KAZN: variants seen among roughly 807,000 people sequenced by gnomAD.
The protein encoded by KAZN is kazrin, periplakin interacting protein, also known as kazrin.
Under a neutral mutation model 87.4 loss-of-function variants are expected in KAZN, and 40 were observed. The ratio of observed to expected loss-of-function variants is 0.46; its 90% CI spans 0.36 to 0.60. KAZN has a LOEUF of 0.60. KAZN is among the 20% of genes least tolerant of loss of function. The pLI, the probability that KAZN is intolerant of heterozygous loss-of-function variation, is 0.00. For synonymous variants in KAZN, 466 were observed against 458.3 expected (o/e 1.02, Z -0.22); for missense variants, 898 against 1,073.9 (o/e 0.84, Z 2.29).
At chr1:15,064,165 G>T (rs1639038724) in intron 7 of KAZN, among the ~76,000 whole-genome samples, 1 of 152,252 alleles carries the variant, frequency 6.6e-6, no homozygotes, top group African/African-American at 2.4e-5. Context: ...TGTCATCAGA[G>T]TGAGGAGGGG....
intron 2 of KAZN, among the ~76,000 whole-genome samples, chr1:14,225,761 G>T (rs1018486558): frequency 6.6e-6 from 1 of 152,114 alleles, no homozygotes; most frequent in African/African-American, 2.4e-5. Flanking sequence ...AATGGGGAAA[G>T]GAATGCCTAT....
intron 2 of KAZN, among the ~76,000 whole-genome samples, chr1:14,972,948 A>G (rs951797969): frequency 6.6e-6 from 1 of 151,912 alleles, no homozygotes; most frequent in Non-Finnish European, 1.5e-5. Context: ...AGATTTAGCA[A>G]AACGTATCGA....
intron 2 of KAZN, among the ~76,000 whole-genome samples, chr1:14,319,861 C>T (rs1655929397): frequency 6.6e-6 from 1 of 152,182 alleles, no homozygotes; most frequent in Non-Finnish European, 1.5e-5. Flanking sequence ...AGCAGAAGGT[C>T]TTTATAGAAC....
intron 1 of KAZN, among the ~76,000 whole-genome samples, chr1:14,946,766 C>T (rs569011796): frequency 9.2e-5 from 14 of 152,228 alleles, no homozygotes; most frequent in African/African-American, 1.4e-4. Flanking sequence ...GCATTTAACC[C>T]GAGTTGAAAT....
intron 2 of KAZN, among the ~76,000 whole-genome samples, chr1:14,361,595 C>A (rs2100981701): frequency 6.6e-6 from 1 of 152,376 alleles, no homozygotes; most frequent in Admixed American, 6.5e-5. Flanking sequence ...GAGAGAATCT[C>A]CTGGTCTGTG....
At chr1:14,036,320 A>T (rs551265414) in intron 1 of KAZN, among the ~76,000 whole-genome samples, 134 of 152,306 alleles carry the variant, frequency 8.8e-4, no homozygotes, top group African/African-American at 3.1e-3. Flanking sequence ...TCTGGAGGCC[A>T]AATCATGTGG....
At chr1:14,196,195 GAGT>G (rs1646522863) in intron 2 of KAZN, among the ~76,000 whole-genome samples, 1 of 152,200 alleles carries the variant, frequency 6.6e-6, no homozygotes, top group Non-Finnish European at 1.5e-5. Context: ...GAATAAATCA[GAGT>G]AGAAGACAGG....
chr1:14,728,201 G>A (rs1453259022), intron 1 of KAZN, among the ~76,000 whole-genome samples: 1 of 148,572 alleles, frequency 6.7e-6, no homozygotes. Context: ...CAGGAGAATC[G>A]CTTGAACTTG....
intron 1 of KAZN, among the ~76,000 whole-genome samples, chr1:13,936,806 G>A (rs1400883138): frequency 6.6e-6 from 1 of 152,198 alleles, no homozygotes; most frequent in Non-Finnish European, 1.5e-5. Context: ...ATAGGGCTGT[G>A]ATGAACGTAC....
chr1:14,039,764 C>T (rs1641718543), intron 1 of KAZN, among the ~76,000 whole-genome samples: 1 of 152,176 alleles, frequency 6.6e-6, no homozygotes, highest in African/African-American at 2.4e-5. Context: ...GACATTCATG[C>T]ACTCAGTATG....
chr1:14,089,956 C>A (rs1293205427), intron 1 of KAZN, among the ~76,000 whole-genome samples: 2 of 151,568 alleles, frequency 1.3e-5, no homozygotes, highest in South Asian at 2.1e-4. Context: ...GCTTACATAG[C>A]GTGTGATGAG....
chr1:14,463,937 G>A (rs574677213), intron 2 of KAZN, among the ~76,000 whole-genome samples: 1 of 152,326 alleles, frequency 6.6e-6, no homozygotes, highest in African/African-American at 2.4e-5. Flanking sequence ...TTAATTCTGG[G>A]AAGTTTCATT....
intron 1 of KAZN, among the ~76,000 whole-genome samples, chr1:14,847,655 T>C (rs1648945323): frequency 6.6e-6 from 1 of 152,216 alleles, no homozygotes; most frequent in Non-Finnish European, 1.5e-5. Flanking sequence ...ACATTATCTG[T>C]TCCATTCAGT....
chr1:14,619,600 C>T (rs1678534111), intron 1 of KAZN, among the ~76,000 whole-genome samples: 1 of 152,156 alleles, frequency 6.6e-6, no homozygotes, highest in Non-Finnish European at 1.5e-5. Flanking sequence ...AAAGTACTTT[C>T]ACGATGTTTT....
chr1:14,175,640 G>C (rs1460508879), intron 1 of KAZN, among the ~76,000 whole-genome samples: 1 of 152,206 alleles, frequency 6.6e-6, no homozygotes, highest in Non-Finnish European at 1.5e-5. Flanking sequence ...AATAGATGCA[G>C]TTTGAGAACC....
At chr1:14,399,825 C>T (rs1377047839) in intron 2 of KAZN, among the ~76,000 whole-genome samples, 2 of 152,162 alleles carry the variant, frequency 1.3e-5, no homozygotes, top group African/African-American at 4.8e-5. Context: ...TACCTCTTCC[C>T]TCCCCATACC....
At chr1:15,032,464 T>C (rs1008631612) in intron 2 of KAZN, among the ~76,000 whole-genome samples, 6 of 151,872 alleles carry the variant, frequency 4.0e-5, no homozygotes, top group Non-Finnish European at 8.8e-5. Context: ...AGTGCTGGAA[T>C]TACAGGCATG....
intron 2 of KAZN, among the ~76,000 whole-genome samples, chr1:14,550,744 ACC>A (rs1673464006): frequency 5.1e-5 from 1 of 19,438 alleles, no homozygotes; most frequent in Non-Finnish European, 1.2e-4. Context: ...TCTCTCCCCC[ACC>A]CCGCCACCCC....
At chr1:14,361,486 C>A (rs1205947196) in intron 2 of KAZN, among the ~76,000 whole-genome samples, 2 of 152,222 alleles carry the variant, frequency 1.3e-5, no homozygotes, top group Non-Finnish European at 2.9e-5. Flanking sequence ...GTTCCAGGTG[C>A]CACTAGGGTA....
Sources: gnomAD v4.1 joint callset for allele counts (sites outside exome capture counted in the v4.1 genomes callset) on GRCh38, gnomAD v4.1.1 for gene constraint, MANE v1.5 for transcripts, NCBI Gene and HGNC (gene_info 2026-07-23, HGNC 2026-07-21) for gene names.